TMEM19: variants seen among roughly 807,000 people sequenced by gnomAD.
TMEM19 encodes transmembrane protein 19.
In TMEM19, 21 loss-of-function variants were observed where a neutral mutation model predicts 33.6. The ratio of observed to expected loss-of-function variants is 0.62; its 90% CI spans 0.44 to 0.90. The LOEUF is 0.90. Among genes scored for constraint, TMEM19 ranks in the 40% least tolerant of loss-of-function variants. The probability of loss-of-function intolerance (pLI) is 0.00; values close to 1 mark genes in which losing one functional copy is unlikely to be tolerated. For missense variants in TMEM19, 402 were observed against 401.8 expected (o/e 1.00, Z 0.00); for synonymous variants, 149 against 147.5 (o/e 1.01, Z -0.07).
chr12:71,694,388 A>T (rs1164665061), intron 2 of TMEM19, among the ~76,000 whole-genome samples: 1 of 152,172 alleles, frequency 6.6e-6, no homozygotes, highest in African/African-American at 2.4e-5. Context: ...TGGTCACTAT[A>T]CTTTGGGTCT....
At chr12:71,687,970 G>A (rs1386710982) in intron 1 of TMEM19, among the ~76,000 whole-genome samples, 1 of 152,212 alleles carries the variant, frequency 6.6e-6, no homozygotes, top group Non-Finnish European at 1.5e-5. Context: ...TCTCAGTGCA[G>A]TTCGTTCATA....
intron 1 of TMEM19, among the ~76,000 whole-genome samples, chr12:71,688,629 G>A (rs546318116): frequency 6.6e-6 from 1 of 152,312 alleles, no homozygotes; most frequent in East Asian, 1.9e-4. Context: ...AGCCTATCAG[G>A]AGGGGTGGGA....
At chr12:71,696,360 GA>G (rs1245250046) in intron 2 of TMEM19, 75 bp from the exon 3 acceptor site, 8 of 1,278,026 alleles carry the variant, frequency 6.3e-6, no homozygotes, top group African/African-American at 1.5e-5. Flanking sequence ...AAAAATAATG[GA>G]AAAAATCCAT....
chr12:71,695,649 T>C (rs1440366159), intron 2 of TMEM19, among the ~76,000 whole-genome samples: 1 of 152,202 alleles, frequency 6.6e-6, no homozygotes, highest in Non-Finnish European at 1.5e-5. Flanking sequence ...TAAGGACCTC[T>C]TACATCCTGG....
At chr12:71,698,644 AG>A (rs1237359275) in intron 4 of TMEM19, among the ~76,000 whole-genome samples, 2 of 147,240 alleles carry the variant, frequency 1.4e-5, no homozygotes, top group African/African-American at 2.7e-5. Flanking sequence ...AGAGAGAGAG[AG>A]AGAGAGAGAG....
rs564355915 is a variant in TMEM19, at chr12:71,687,913, A to G, written c.130+1103A>G. Among the ~76,000 whole-genome samples the G allele has an allele frequency of 1.1e-4, 17 of 152,180 alleles. No individual in the cohort carries two copies. In the South Asian group the frequency reaches 3.6e-3, roughly 32 times the overall value. ...CCATTTCAGACTGTAGGCTTTTTGC[A>G]AAGAGACATGTGAATAGTTGGAAAG... On this transcript the variant is annotated intron_variant, in intron 1 of 5. Coordinates refer to ENST00000266673, the MANE Select transcript of TMEM19 (RefSeq NM_018279.4).
In TMEM19 at chr12:71,703,762, A is replaced by G. The variant is rs1199758347; in HGVS notation, c.*2767A>G. 4.4e-6 allele frequency: 1 copy of G among 228,532 alleles called. No individual in the cohort carries two copies. Among genetic ancestry groups the G allele is most frequent in the Non-Finnish European group, 9.2e-6 (1 of 109,060 alleles). 14.2% of individuals were successfully genotyped at this position (228,532 alleles called of 1,614,324 possible). A position where few individuals can be genotyped will look rare whatever the true frequency, so the allele number is the denominator to read the frequency against. ...TGAACATCCCCACTAAGTATAACTA[A>G]AGATCATAAAGAGCCTCAGATCAAG... is the stretch of plus-strand genomic sequence containing the variant. On this transcript the variant is annotated 3_prime_UTR_variant, in exon 6 of 6. Transcript: ENST00000266673.
intron 2 of TMEM19, among the ~76,000 whole-genome samples, chr12:71,693,310 C>T (rs1006736616): frequency 1.3e-5 from 2 of 152,096 alleles, no homozygotes; most frequent in African/African-American, 2.4e-5. Context: ...AGTTCGCCTG[C>T]CTCAGCTTCC....
At chr12:71,693,181 C>A (rs545148346) in intron 2 of TMEM19, among the ~76,000 whole-genome samples, 1 of 151,216 alleles carries the variant, frequency 6.6e-6, no homozygotes, top group Non-Finnish European at 1.5e-5. Flanking sequence ...GGTGACAGAG[C>A]GAGACCCTGT....
At chr12:71,692,492 ATTC>A (rs1240311509) in intron 2 of TMEM19, among the ~76,000 whole-genome samples, 1 of 152,242 alleles carries the variant, frequency 6.6e-6, no homozygotes, top group African/African-American at 2.4e-5. Flanking sequence ...TTAATGAAGT[ATTC>A]TTATTGAATA....
At chr12:71,694,965 A>G (rs1465904443) in intron 2 of TMEM19, among the ~76,000 whole-genome samples, 1 of 152,144 alleles carries the variant, frequency 6.6e-6, no homozygotes, top group Non-Finnish European at 1.5e-5. Flanking sequence ...CCCCAATGCT[A>G]TCTGTTAGGT....
At chr12:71,697,797 G>A (rs1881901166) in intron 4 of TMEM19, among the ~76,000 whole-genome samples, 1 of 152,140 alleles carries the variant, frequency 6.6e-6, no homozygotes, top group African/African-American at 2.4e-5. Flanking sequence ...ATATCAGTAG[G>A]GAAGGAAAAG....
chr12:71,695,947 T>C (rs1199782306), intron 2 of TMEM19, among the ~76,000 whole-genome samples: 1 of 152,186 alleles, frequency 6.6e-6, no homozygotes, highest in Non-Finnish European at 1.5e-5. Flanking sequence ...ATTGAGTATC[T>C]CTGGAAGGGT....
At chr12:71,699,474 A>T (rs1297957934) in intron 5 of TMEM19, 1 of 371,132 alleles carries the variant, frequency 2.7e-6, no homozygotes, top group Non-Finnish European at 4.9e-6. Flanking sequence ...TAATTGTACA[A>T]ATCTGACTAT....
intron 3 of TMEM19, among the ~76,000 whole-genome samples, chr12:71,696,777 G>C (rs749209529): frequency 1.1e-4 from 17 of 151,880 alleles, no homozygotes; most frequent in Non-Finnish European, 2.2e-4. Context: ...TTCCTGAGTA[G>C]CTGGGACTAC....
rs540689091 is a variant in TMEM19 at position 71,693,272 on chromosome 12, G to A, written c.245-3164G>A. ...AGTGCAGTGATGCAACCATAGCTTA[G>A]TGCAGCCTTGAATTCCTGGGCTCAA... On this transcript the variant is annotated intron_variant, in intron 2 of 5. Transcript: ENST00000266673. 9.2e-5 allele frequency among the ~76,000 whole-genome samples: 14 copies of A among 152,018 alleles called. No homozygotes were observed. The South Asian group carries it at 2.9e-3, about 32-fold the overall frequency.
chr12:71,698,870 C>T (rs369382884), intron 4 of TMEM19, 30 bp from the exon 5 acceptor site: 74 of 1,603,782 alleles, frequency 4.6e-5, no homozygotes, highest in Non-Finnish European at 6.1e-5. Context: ...GATTATTAAC[C>T]GGATGATTTT....
chr12:71,697,501 A>G lies in TMEM19; in HGVS notation c.604A>G (p.Arg202Gly). ...VGPVLSKSSP[R>G]LITTWEKVPV... ...CCCAGTTCTGAGTAAAAGTTCTCCA[A>G]GACTGATAACAACCTGGGAGAAAGT... Residue 202 changes from arginine (R) to glycine (G), a missense_variant, in exon 4 of 6, where the codon AGA becomes GGA. By Grantham distance (125) the Arg-to-Gly change is moderately radical. Coordinates refer to ENST00000266673, the MANE Select transcript of TMEM19 (RefSeq NM_018279.4). 1 of 1,585,918 alleles carries G rather than the reference A, an allele frequency of 6.3e-7. No individual in the cohort carries two copies. The highest frequency in any genetic ancestry group is 1.9e-5 in the Admixed American group (1 of 53,828).
intron 2 of TMEM19, among the ~76,000 whole-genome samples, chr12:71,693,340 G>A (rs909910848): frequency 2.0e-5 from 3 of 152,178 alleles, no homozygotes; most frequent in African/African-American, 7.2e-5. Context: ...GCGACTACAG[G>A]CACGCGCCGC....
Sources: gnomAD v4.1 joint callset for allele counts (sites outside exome capture counted in the v4.1 genomes callset) on GRCh38, gnomAD v4.1.1 for gene constraint, MANE v1.5 for transcripts, NCBI Gene and HGNC (gene_info 2026-07-23, HGNC 2026-07-21) for gene names.